The following PDE1A variants were observed in gnomAD, a reference collection of about 807,000 sequenced individuals.
The protein encoded by PDE1A is phosphodiesterase 1A, also known as dual specificity calcium/calmodulin-dependent 3',5'-cyclic nucleotide phosphodiesterase 1A.
In PDE1A, 35 loss-of-function variants were observed where a neutral mutation model predicts 61.7. The observed-to-expected ratio is 0.57, with a 90% CI of 0.43 to 0.75. The LOEUF is 0.75. Ranked by LOEUF, PDE1A falls within the 30% of genes least tolerant of loss-of-function variation. The pLI is 0.00. For missense variants in PDE1A, 597 were observed against 630.6 expected (o/e 0.95, Z 0.57); for synonymous variants, 232 against 213.2 (o/e 1.09, Z -0.77).
At chr2:182,378,037 G>A (rs1363876685) in intron 1 of PDE1A, among the ~76,000 whole-genome samples, 4 of 151,932 alleles carry the variant, frequency 2.6e-5, no homozygotes, top group Non-Finnish European at 2.9e-5. Flanking sequence ...TAGTAGAGAC[G>A]GGGTTTCACC....
chr2:182,289,724 G>A lies in PDE1A; in HGVS notation c.54-25310C>T, dbSNP rs78851762. The stretch of plus-strand genomic sequence containing the variant: ...TTATTATTGCCTTTTGCCTACTAAT[G>A]GCAAATGTATGTACTTAATTCTAAA... On this transcript the variant is annotated intron_variant, in intron 1 of 13. Transcript: ENST00000351439. Among the ~76,000 whole-genome samples, 77 of 152,122 alleles carry A rather than the reference G, an allele frequency of 5.1e-4. No individual in the cohort carries two copies. In the East Asian group the frequency reaches 0.013, roughly 26 times the overall value.
intron 10 of PDE1A, among the ~76,000 whole-genome samples, chr2:182,197,172 G>A (rs1368322007): frequency 6.6e-6 from 1 of 151,700 alleles, no homozygotes; most frequent in East Asian, 1.9e-4. Context: ...TCTTTGATAA[G>A]TAAAGAAAAT....
intron 2 of PDE1A, among the ~76,000 whole-genome samples, chr2:182,443,121 C>A (rs1017819188): frequency 1.6e-4 from 25 of 151,890 alleles, no homozygotes; most frequent in African/African-American, 6.0e-4. Context: ...AACTCACATG[C>A]CATTGTTTTT....
At chr2:182,307,497 C>T (rs1695665216) in intron 1 of PDE1A, among the ~76,000 whole-genome samples, 2 of 152,106 alleles carry the variant, frequency 1.3e-5, no homozygotes, top group Admixed American at 1.3e-4. Flanking sequence ...GTCTTTTGAG[C>T]CTCCAAAGCT....
At chr2:182,363,415 T>C (rs1574456910) in intron 1 of PDE1A, among the ~76,000 whole-genome samples, 1 of 151,960 alleles carries the variant, frequency 6.6e-6, no homozygotes, top group Non-Finnish European at 1.5e-5. Context: ...CCAAGTGTTA[T>C]TGAAAAAAAA....
chr2:182,407,867 G>A (rs1465467784), intron 1 of PDE1A, among the ~76,000 whole-genome samples: 2 of 152,062 alleles, frequency 1.3e-5, no homozygotes, highest in Non-Finnish European at 2.9e-5. Flanking sequence ...TAAAGAATAA[G>A]TCATATGTAC....
At chr2:182,383,371 C>T (rs1463709400) in intron 1 of PDE1A, among the ~76,000 whole-genome samples, 1 of 152,098 alleles carries the variant, frequency 6.6e-6, no homozygotes, top group African/African-American at 2.4e-5. Flanking sequence ...CATTAGTTAA[C>T]TGATCTTGTC....
intron 2 of PDE1A, among the ~76,000 whole-genome samples, chr2:182,477,926 G>A (rs1274147530): frequency 1.3e-5 from 2 of 151,814 alleles, no homozygotes; most frequent in African/African-American, 4.8e-5. Context: ...TCATTCTCTA[G>A]ATTCCAGGTG....
chr2:182,506,501 A>T (rs998478331), intron 2 of PDE1A, among the ~76,000 whole-genome samples: 4 of 152,250 alleles, frequency 2.6e-5, no homozygotes, highest in African/African-American at 9.6e-5. Flanking sequence ...ATTTATTCTC[A>T]TTACTATTTT....
exon 15 of PDE1A, chr2:182,141,283 T>C (rs1234670027): frequency 1.3e-5 from 2 of 152,196 alleles, no homozygotes; most frequent in Admixed American, 6.5e-5. Flanking sequence ...AGCTGGTAAA[T>C]AGCTTGCTTT....
chr2:182,563,805 A>C, the PDE1A span, among the ~76,000 whole-genome samples: 1 of 152,304 alleles, frequency 6.6e-6, no homozygotes, highest in South Asian at 2.1e-4. Flanking sequence ...CTTTACCATT[A>C]GGTAATGCCC....
chr2:182,635,945 G>GT, the PDE1A span, among the ~76,000 whole-genome samples: 3 of 109,368 alleles, frequency 2.7e-5, no homozygotes, highest in African/African-American at 1.1e-4. Context: ...GATCTCACCG[G>GT]TATTTTTTTT....
chr2:182,146,777 C>T (rs899089754), downstream of PDE1A, among the ~76,000 whole-genome samples: 9 of 152,114 alleles, frequency 5.9e-5, no homozygotes, highest in African/African-American at 1.9e-4. Flanking sequence ...AGCCACTGTG[C>T]CCGGCCATTT....
chr2:182,452,414 T>A (rs1437179880), intron 2 of PDE1A, among the ~76,000 whole-genome samples: 5 of 152,142 alleles, frequency 3.3e-5, no homozygotes, highest in African/African-American at 1.2e-4. Context: ...CTGAAAAACA[T>A]TGATAAGTGC....
chr2:182,521,882 T>A (rs1311019840), intron 2 of PDE1A, among the ~76,000 whole-genome samples: 1 of 152,154 alleles, frequency 6.6e-6, no homozygotes, highest in Non-Finnish European at 1.5e-5. Flanking sequence ...CTTTTCCAAA[T>A]CTAATCACAG....
At chr2:182,308,763 T>A (rs1366155349) in intron 1 of PDE1A, among the ~76,000 whole-genome samples, 2 of 152,226 alleles carry the variant, frequency 1.3e-5, no homozygotes, top group East Asian at 1.9e-4. Context: ...TCCAAATACT[T>A]TTTTATATTT....
chr2:182,709,128 C>T, the PDE1A span, among the ~76,000 whole-genome samples: 2 of 151,538 alleles, frequency 1.3e-5, no homozygotes, highest in African/African-American at 4.9e-5. Flanking sequence ...AAAGATTGTA[C>T]CTGGTTCTAA....
intron 3 of PDE1A, among the ~76,000 whole-genome samples, chr2:182,238,277 A>AAAAAAAAAAAAAAAAAAG (rs1199781414): frequency 4.0e-5 from 6 of 150,806 alleles, no homozygotes; most frequent in African/African-American, 9.8e-5. Context: ...AAAAAAAAAA[A>AAAAAAAAAAAAAAAAAAG]AAAAAGAAAA....
intron 1 of PDE1A, among the ~76,000 whole-genome samples, chr2:182,344,774 A>G (rs1698417823): frequency 6.6e-6 from 1 of 151,846 alleles, no homozygotes; most frequent in Admixed American, 6.6e-5. Flanking sequence ...ACACACATAC[A>G]CAGTGTGCTC....
Sources: allele counts gnomAD v4.1 joint callset (sites outside exome capture counted in the v4.1 genomes callset), GRCh38; gene constraint gnomAD v4.1.1; transcripts MANE v1.5; gene names NCBI Gene and HGNC (gene_info 2026-07-23, HGNC 2026-07-21).